The following PLPPR1 variants were observed in gnomAD, a reference collection of about 807,000 sequenced individuals.
PLPPR1 encodes the protein phospholipid phosphatase-related protein type 1.
PLPPR1 carries 10 observed loss-of-function variants against 33.1 expected under a neutral mutation model. That is an observed-to-expected ratio of 0.30 (90% CI 0.19 to 0.51). The LOEUF is 0.51. Among genes scored for constraint, PLPPR1 ranks in the 20% least tolerant of loss-of-function variants. PLPPR1 has a pLI of 0.97. For synonymous variants in PLPPR1, 151 were observed against 151.0 expected (o/e 1.00, Z 0.00); for missense variants, 304 against 408.1 (o/e 0.74, Z 2.20).
intron 1 of PLPPR1, among the ~76,000 whole-genome samples, chr9:101,163,305 G>A (rs1305647129): frequency 6.6e-6 from 1 of 152,162 alleles, no homozygotes; most frequent in Non-Finnish European, 1.5e-5. Context: ...CTGAGGGTAA[G>A]AACTTTCATT....
intron 2 of PLPPR1, among the ~76,000 whole-genome samples, chr9:101,227,004 G>A (rs12115680): frequency 0.073 from 11,163 of 152,142 alleles, 1,342 homozygotes; most frequent in African/African-American, 0.25. Context: ...GCTGAACCTT[G>A]GACCCTGCAA....
chr9:101,236,542 A>ACACT (rs1827303455), intron 2 of PLPPR1, among the ~76,000 whole-genome samples: 1 of 150,834 alleles, frequency 6.6e-6, no homozygotes, highest in Non-Finnish European at 1.5e-5. Context: ...AAACTCACAC[A>ACACT]CACACACACA....
chr9:101,232,704 G>A (rs1827215710), intron 2 of PLPPR1, among the ~76,000 whole-genome samples: 2 of 151,778 alleles, frequency 1.3e-5, no homozygotes, highest in African/African-American at 4.8e-5. Flanking sequence ...GTGTTTTCAT[G>A]GAGAGATTAG....
chr9:101,052,897 C>T lies in PLPPR1; in HGVS notation c.-46+23795C>T, dbSNP rs1830240037. Among the ~76,000 whole-genome samples the T allele has an allele frequency of 2.6e-5, 4 of 152,160 alleles. No homozygotes were observed. The South Asian group carries it at 8.3e-4, about 32-fold the overall frequency. On this transcript the variant is annotated intron_variant, in intron 1 of 7. Coordinates refer to ENST00000374874, the MANE Select transcript of PLPPR1 (RefSeq NM_207299.2). ...ACTGCCTTCCAGGGAGGCAACTGGA[C>T]TCAGTCAGCAATGGTCACCTGTATT...
chr9:101,137,931 G>A (rs145811285), intron 1 of PLPPR1, among the ~76,000 whole-genome samples: 1,566 of 152,316 alleles, frequency 0.01, 10 homozygotes, highest in Middle Eastern at 0.02. Flanking sequence ...GCAAGTGGCC[G>A]ATGCAGGATT....
chr9:101,110,572 C>T (rs1290691479), intron 1 of PLPPR1, among the ~76,000 whole-genome samples: 1 of 151,866 alleles, frequency 6.6e-6, no homozygotes, highest in Non-Finnish European at 1.5e-5. Flanking sequence ...TTTTATGAGC[C>T]ATGATATATC....
intron 2 of PLPPR1, among the ~76,000 whole-genome samples, chr9:101,227,860 T>A (rs954515831): frequency 6.6e-6 from 1 of 152,162 alleles, no homozygotes; most frequent in Non-Finnish European, 1.5e-5. Context: ...CACTGCAACC[T>A]CCACCTCCTG....
At chr9:101,190,493 C>T (rs1464240749) in intron 2 of PLPPR1, among the ~76,000 whole-genome samples, 2 of 152,060 alleles carry the variant, frequency 1.3e-5, no homozygotes, top group Non-Finnish European at 2.9e-5. Context: ...ATAAGCTGCT[C>T]ATAGTGGAAT....
In PLPPR1 at chr9:101,064,875, A is replaced by G. The variant is rs1288221343; in HGVS notation, c.-46+35773A>G. ...GAGAGAGGGCAAAACTGGGTTTTAT[A>G]ACAGATCTACTCTCGTGATAACCAA... On this transcript the variant is annotated intron_variant, in intron 1 of 7. Coordinates refer to ENST00000374874, the MANE Select transcript of PLPPR1 (RefSeq NM_207299.2). 2.0e-5 allele frequency among the ~76,000 whole-genome samples: 3 copies of G among 151,790 alleles called. No individual in the cohort carries two copies. In the East Asian group the frequency reaches 5.8e-4, roughly 30 times the overall value.
In PLPPR1 at chr9:101,221,652, C is replaced by T. The variant is rs140466758; in HGVS notation, c.63+36095C>T. On this transcript the variant is annotated intron_variant, in intron 2 of 7. Coordinates refer to ENST00000374874, the MANE Select transcript of PLPPR1 (RefSeq NM_207299.2). ...AGGTATTGCCACCGTGCTTTAAAAA[C>T]GAGGAAATGGAAGCTCAGAGGTGAA... 6.1e-4 allele frequency among the ~76,000 whole-genome samples: 93 copies of T among 152,222 alleles called. 1 individual carries two copies. In the East Asian group the frequency reaches 0.015, roughly 25 times the overall value.
chr9:101,314,955 C>T (rs1435676530), intron 6 of PLPPR1, among the ~76,000 whole-genome samples: 6 of 151,334 alleles, frequency 4.0e-5, no homozygotes, highest in South Asian at 2.1e-4. Flanking sequence ...TCCTGAGGAA[C>T]GCCTTTTAAA....
intron 1 of PLPPR1, among the ~76,000 whole-genome samples, chr9:101,153,382 A>G (rs1368854470): frequency 6.6e-6 from 1 of 152,088 alleles, no homozygotes; most frequent in African/African-American, 2.4e-5. Context: ...GAATACCTTT[A>G]TTTCTTTCTC....
At chr9:101,072,277 T>G (rs954138391) in intron 1 of PLPPR1, among the ~76,000 whole-genome samples, 6 of 152,270 alleles carry the variant, frequency 3.9e-5, no homozygotes, top group South Asian at 4.2e-4. Flanking sequence ...CTTCCTTATG[T>G]GTTGCGGCTT....
chr9:101,287,154 G>A (rs1466422563), intron 4 of PLPPR1, among the ~76,000 whole-genome samples: 1 of 152,216 alleles, frequency 6.6e-6, no homozygotes, highest in Non-Finnish European at 1.5e-5. Flanking sequence ...GAAAGAAATA[G>A]TGCAGTGGGA....
At chr9:101,243,295 A>T (rs997363026) in intron 2 of PLPPR1, among the ~76,000 whole-genome samples, 68 of 152,116 alleles carry the variant, frequency 4.5e-4, no homozygotes, top group African/African-American at 1.6e-3. Flanking sequence ...TTTAGAAAAA[A>T]AATATATTAG....
intron 2 of PLPPR1, among the ~76,000 whole-genome samples, chr9:101,208,366 G>T (rs1272038417): frequency 6.6e-6 from 1 of 152,168 alleles, no homozygotes; most frequent in Non-Finnish European, 1.5e-5. Flanking sequence ...GCATTTGTCA[G>T]TGATGGAAAA....
rs193134019 is a variant in PLPPR1, at chr9:101,324,756, C to T, written c.*699C>T. ...TCTTCTGGCAGGCAGGTGCCACTGT[C>T]AGCTTTTCTCCAAAAAGCAGCCAAC... On this transcript the variant is annotated 3_prime_UTR_variant, in exon 8 of 8. Coordinates refer to ENST00000374874, the MANE Select transcript of PLPPR1 (RefSeq NM_207299.2). The T allele has an allele frequency of 2.0e-5, 3 of 152,748 alleles. No homozygotes were observed. Among genetic ancestry groups the T allele is most frequent in the East Asian group, 3.9e-4 (2 of 5,188 alleles). 9.5% of individuals were successfully genotyped at this position (152,748 alleles called of 1,614,324 possible). A position where few individuals can be genotyped will look rare whatever the true frequency, so the allele number is the denominator to read the frequency against.
intron 2 of PLPPR1, among the ~76,000 whole-genome samples, chr9:101,239,837 A>G (rs909755073): frequency 6.6e-6 from 1 of 152,138 alleles, no homozygotes; most frequent in Non-Finnish European, 1.5e-5. Context: ...ATTTTCTCCC[A>G]TTCTACAGGT....
chr9:101,144,449 G>C (rs1831497465), intron 1 of PLPPR1, among the ~76,000 whole-genome samples: 1 of 152,116 alleles, frequency 6.6e-6, no homozygotes, highest in Admixed American at 6.5e-5. Flanking sequence ...GGTCATTGGA[G>C]TCAGCCCTAA....
Sources: gnomAD v4.1 joint callset for allele counts (sites outside exome capture counted in the v4.1 genomes callset) on GRCh38, gnomAD v4.1.1 for gene constraint, MANE v1.5 for transcripts, NCBI Gene and HGNC (gene_info 2026-07-23, HGNC 2026-07-21) for gene names.